The following SLC43A2 variants were observed in gnomAD, a reference collection of about 807,000 sequenced individuals.
SLC43A2 encodes the protein solute carrier family 43 member 2, also known as large neutral amino acids transporter small subunit 4.
A neutral mutation model predicts 63.2 loss-of-function variants in SLC43A2; 38 were observed. The observed-to-expected ratio is 0.60, with a 90% CI of 0.46 to 0.79. The LOEUF is 0.79. SLC43A2 is among the 30% of genes least tolerant of loss of function. The pLI is 0.00. For synonymous variants in SLC43A2, 322 were observed against 331.0 expected (o/e 0.97, Z 0.30); for missense variants, 644 against 756.2 (o/e 0.85, Z 1.74).
At chr17:1,616,506 C>A (rs1305704309) in intron 3 of SLC43A2, 56 bp downstream of exon 3, 1 of 1,524,462 alleles carries the variant, frequency 6.6e-7, no homozygotes, top group Non-Finnish European at 8.9e-7. Context: ...CTGTGGGGAA[C>A]TCAGCCCAGG....
At chr17:1,584,559 A>C (rs1029481302) in intron 10 of SLC43A2, among the ~76,000 whole-genome samples, 2 of 151,890 alleles carry the variant, frequency 1.3e-5, no homozygotes, top group African/African-American at 4.8e-5. Context: ...TATGCCTGTA[A>C]TCCCAGCACT....
chr17:1,612,903 C>T (rs896689659), intron 5 of SLC43A2, among the ~76,000 whole-genome samples: 5 of 151,652 alleles, frequency 3.3e-5, no homozygotes, highest in Admixed American at 2.0e-4. Context: ...ACCTGGGACG[C>T]GGAGGTTGCA....
intron 5 of SLC43A2, among the ~76,000 whole-genome samples, chr17:1,612,633 A>G (rs1907226542): frequency 6.6e-6 from 1 of 152,274 alleles, no homozygotes. Context: ...CCTTGGGCAC[A>G]AGGCTAGTGA....
chr17:1,627,704 G>A lies in SLC43A2; in HGVS notation c.160+11C>T. ...CCAGGAGCCCCCCGCAACCCCAGGCGCTTGTCTCACCTGGCTCGGTACACA... is the reference window on the plus strand; with the variant it reads ...CCAGGAGCCCCCCGCAACCCCAGGCACTTGTCTCACCTGGCTCGGTACACA... On this transcript the variant is annotated intron_variant, in intron 2 of 13. Transcript: ENST00000301335. 2 of 1,261,224 alleles carry A rather than the reference G, an allele frequency of 1.6e-6. No homozygotes were observed. The highest frequency in any genetic ancestry group is 2.1e-6 in the Non-Finnish European group (2 of 965,730). 78.1% of individuals were successfully genotyped at this position (1,261,224 alleles called of 1,614,324 possible).
rs1429892731 is a variant in SLC43A2, at chr17:1,585,092, T to C, written c.1217+821A>G. ...GCCGGGCGCGGTGCCTCATACCTGT[T>C]AATCCCAGTACTTTGGGAGGCTTTA... On this transcript the variant is annotated intron_variant, in intron 10 of 13. Transcript: ENST00000301335. 3.4e-6 allele frequency: 3 copies of C among 895,514 alleles called. No homozygotes were observed. The African/African-American group carries it at 5.4e-5, about 16-fold the overall frequency. The allele number at this position is 895,514 out of a possible 1,614,324, so 55.5% of individuals were successfully genotyped here.
rs542864298 is a variant in SLC43A2 at position 1,606,998 on chromosome 17, G to A, written c.501+6197C>T. The stretch of plus-strand genomic sequence containing the variant: ...TCCTTCTGGACTACAAGGAAAAGGC[G>A]TGTGCCCGCTTGGAGCCCCCTCTCC... On this transcript the variant is annotated intron_variant, in intron 5 of 13. Coordinates refer to ENST00000301335, the MANE Select transcript of SLC43A2 (RefSeq NM_152346.3). The surrounding 1 kb of genome is among the most constrained non-coding windows in gnomAD (Gnocchi z 4.7). Among the ~76,000 whole-genome samples, 51 of 152,342 alleles carry A rather than the reference G, an allele frequency of 3.3e-4. No homozygotes were observed. Among genetic ancestry groups the A allele is most frequent in the African/African-American group, 9.9e-4 (41 of 41,582 alleles).
upstream of SLC43A2, among the ~76,000 whole-genome samples, chr17:1,629,396 G>C (rs889640143): frequency 1.3e-5 from 2 of 151,310 alleles, no homozygotes; most frequent in African/African-American, 4.9e-5. Flanking sequence ...CCCCCGCCCC[G>C]GTGGTTCCCG....
In SLC43A2 at chr17:1,586,017, C is replaced by T. The variant is rs780012964; in HGVS notation, c.1113G>A (p.Gln371=). The part of the protein sequence containing the change: ...GLYTSIFGVL[Q]LLCLLTAPVI... ...CGGGGGCCGTCAGCAGGCACAGCAG[C>T]TGGAGCACGCCGAAGATGGAGGTGT... The change falls in exon 10 of 14, where the codon CAG becomes CAA. Residue 371 remains glutamine (Q), a synonymous_variant. Transcript: ENST00000301335. 2 of 1,609,636 alleles carry T rather than the reference C, an allele frequency of 1.2e-6. No individual in the cohort carries two copies. The highest frequency in any genetic ancestry group is 1.7e-6 in the Non-Finnish European group (2 of 1,178,378).
chr17:1,600,064 T>C (rs1905783732), intron 5 of SLC43A2, among the ~76,000 whole-genome samples: 1 of 144,566 alleles, frequency 6.9e-6, no homozygotes, highest in Admixed American at 7.2e-5. Context: ...AAATCATTTA[T>C]ATTTGTCCTT....
At chr17:1,613,098 A>G in intron 5 of SLC43A2, 97 bp downstream of exon 5, 2 of 1,105,454 alleles carry the variant, frequency 1.8e-6, no homozygotes, top group Non-Finnish European at 2.7e-6. Context: ...AGGCACATGC[A>G]GGCACATGGA....
rs578158753 is a variant in SLC43A2, at chr17:1,584,752, G to A, written c.1217+1161C>T. 9.3e-4 allele frequency among the ~76,000 whole-genome samples: 142 copies of A among 151,926 alleles called. 1 individual carries two copies. The highest frequency in any genetic ancestry group is 3.3e-3 in the African/African-American group (135 of 41,468). On this transcript the variant is annotated intron_variant, in intron 10 of 13. Coordinates refer to ENST00000301335, the MANE Select transcript of SLC43A2 (RefSeq NM_152346.3). ...GGAGAATGGTGTGAACCCGGGAGGC[G>A]GAGGTTGCAGTGAGCCGAGATAGAG...
At position 1,602,561 on chromosome 17, in the gene SLC43A2, G is replaced by T. The variant is rs114631678; in HGVS notation, c.502-9282C>A. Among the ~76,000 whole-genome samples the T allele has an allele frequency of 8.7e-3, 1,323 of 151,736 alleles. 28 individuals carry two copies. The highest frequency in any genetic ancestry group is 0.03 in the African/African-American group (1,243 of 41,302). Reference sequence around the variant, plus strand: ...CTTGGGAAGCTGAGGCAGAAAAATCGCTTGAACCCCAGAGGCAGAGGTTGC... The same window carrying T: ...CTTGGGAAGCTGAGGCAGAAAAATCTCTTGAACCCCAGAGGCAGAGGTTGC... On this transcript the variant is annotated intron_variant, in intron 5 of 13. Transcript: ENST00000301335.
At chr17:1,608,405 T>G (rs75655290) in intron 5 of SLC43A2, among the ~76,000 whole-genome samples, 24,139 of 151,914 alleles carry the variant, frequency 0.16, 2,784 homozygotes, top group East Asian at 0.42. Flanking sequence ...GTTTTGTTTT[T>G]TTTTTTAAGA....
Position 1,593,431 on chromosome 17 carries a change from C to T in SLC43A2, c.502-152G>A, listed in dbSNP as rs992902565. ...GGGGCATTAGTTCAGGGGCAATGAC[C>T]GCTCACTGAAGGTTTCTCCTTCATG... On this transcript the variant is annotated intron_variant, in intron 5 of 13. Coordinates refer to ENST00000301335, the MANE Select transcript of SLC43A2 (RefSeq NM_152346.3). This position sits in a 1 kb window ranked among gnomAD's most constrained non-coding sequence, Gnocchi z 5.3. 6 of 701,248 alleles carry T rather than the reference C, an allele frequency of 8.6e-6. No individual in the cohort carries two copies. Among genetic ancestry groups the T allele is most frequent in the Non-Finnish European group, 9.9e-6 (4 of 403,820 alleles). The allele number at this position is 701,248 out of a possible 1,614,324, so 43.4% of individuals were successfully genotyped here.
chr17:1,627,925 G>A lies in SLC43A2; in HGVS notation c.-46-5C>T, dbSNP rs1448765325. ...CCGGCTCCGGCTCTGCACCACCTGC[G>A]CACAGAACTCGGCGTCAGCGGCCGG... is the stretch of plus-strand genomic sequence containing the variant. On this transcript the variant is annotated splice_region_variant and splice_polypyrimidine_tract_variant and intron_variant, in intron 1 of 13. Coordinates refer to ENST00000301335, the MANE Select transcript of SLC43A2 (RefSeq NM_152346.3). 29 of 1,450,968 alleles carry A rather than the reference G, an allele frequency of 2.0e-5. No homozygotes were observed. In the South Asian group the frequency reaches 3.6e-4, roughly 18 times the overall value. The allele number at this position is 1,450,968 out of a possible 1,614,324, so 89.9% of individuals were successfully genotyped here. A position where few individuals can be genotyped will look rare whatever the true frequency, so the allele number is the denominator to read the frequency against.
chr17:1,591,724 T>TGGGGAGGGGG, intron 6 of SLC43A2, 25 bp from the exon 7 acceptor site: 1 of 218,400 alleles, frequency 4.6e-6, no homozygotes, highest in Admixed American at 5.5e-5. Flanking sequence ...GGGGACGGGG[T>TGGGGAGGGGG]GGGGGGGGGA....
chr17:1,586,097 C>G (rs758419170), intron 9 of SLC43A2, 46 bp from the exon 10 acceptor site: 6 of 1,531,816 alleles, frequency 3.9e-6, no homozygotes. Flanking sequence ...GCAGACAGCC[C>G]TGGAGCAGGG....
intron 1 of SLC43A2, chr17:1,628,319 C>A (rs1260032523): frequency 6.4e-6 from 1 of 156,082 alleles, no homozygotes; most frequent in Admixed American, 6.5e-5. Flanking sequence ...GATCCGAGGG[C>A]TGCCTCTCCC....
In SLC43A2 at chr17:1,627,842, G is replaced by C; in HGVS notation, c.33C>G (p.Arg11=). Reference sequence around the variant, plus strand: ...CGGCCGTGCAGGCCATCCACCAGCGGCGCCGATGGGCAGTGGCCAGGGTGG... The same window carrying C: ...CGGCCGTGCAGGCCATCCACCAGCGCCGCCGATGGGCAGTGGCCAGGGTGG... MAPTLATAHR[R]RWWMACTAVL... The change falls in exon 2 of 14, where the codon CGC becomes CGG. Residue 11 remains arginine (R), a synonymous_variant. Transcript: ENST00000301335. 6.3e-7 allele frequency: 1 copy of C among 1,586,262 alleles called. No homozygotes were observed. Among genetic ancestry groups the C allele is most frequent in the African/African-American group, 1.3e-5 (1 of 74,380 alleles).
Sources: allele counts gnomAD v4.1 joint callset (sites outside exome capture counted in the v4.1 genomes callset), GRCh38; gene constraint gnomAD v4.1.1; non-coding constraint Gnocchi (gnomAD v3.1); transcripts MANE v1.5; gene names NCBI Gene and HGNC (gene_info 2026-07-23, HGNC 2026-07-21).